RBFOX1: variants seen among roughly 807,000 people sequenced by gnomAD.
The protein encoded by RBFOX1 is RNA binding protein fox-1 homolog 1.
RBFOX1 carries 8 observed loss-of-function variants against 57.7 expected under a neutral mutation model. The observed-to-expected ratio is 0.14, with a 90% CI of 0.08 to 0.25. The LOEUF is 0.25. Among genes scored for constraint, RBFOX1 ranks in the 10% least tolerant of loss-of-function variants. The pLI, the probability that RBFOX1 is intolerant of heterozygous loss-of-function variation, is 1.00. For synonymous variants in RBFOX1, 326 were observed against 222.4 expected, an observed-to-expected ratio of 1.47 and a Z score of -4.15; for missense variants, 611 against 548.5, an observed-to-expected ratio of 1.11 and a Z score of -1.14.
chr16:5,608,621 G>A (rs780676392), intron 3 of RBFOX1, among the ~76,000 whole-genome samples: 1 of 152,198 alleles, frequency 6.6e-6, no homozygotes, highest in Non-Finnish European at 1.5e-5. Context: ...ACTAGAGAAG[G>A]TTTAATTATT....
At chr16:7,505,851 G>T (rs1381276381) in intron 4 of RBFOX1, among the ~76,000 whole-genome samples, 2 of 152,142 alleles carry the variant, frequency 1.3e-5, no homozygotes, top group Non-Finnish European at 2.9e-5. Context: ...TGGATTTTAT[G>T]AATTATGGCT....
chr16:6,450,824 T>TATATGTATATAA (rs1567303568), intron 2 of RBFOX1, among the ~76,000 whole-genome samples: 2 of 33,242 alleles, frequency 6.0e-5, no homozygotes, highest in Non-Finnish European at 1.0e-4. Context: ...TATACATATA[T>TATATGTATATAA]ATATATATAT....
intron 3 of RBFOX1, among the ~76,000 whole-genome samples, chr16:6,907,144 A>G (rs2070217784): frequency 6.6e-6 from 1 of 152,192 alleles, no homozygotes; most frequent in Non-Finnish European, 1.5e-5. Flanking sequence ...ATCTGTAGAC[A>G]TTTCTGTGTT....
chr16:6,789,137 C>T (rs761016952), intron 3 of RBFOX1, among the ~76,000 whole-genome samples: 8 of 150,562 alleles, frequency 5.3e-5, no homozygotes, highest in Non-Finnish European at 1.2e-4. Context: ...TGAAAAATTA[C>T]CGCCTGCCCA....
chr16:5,955,652 G>A (rs1472642770), intron 4 of RBFOX1, among the ~76,000 whole-genome samples: 1 of 151,862 alleles, frequency 6.6e-6, no homozygotes, highest in Admixed American at 6.6e-5. Flanking sequence ...TATCATAGAG[G>A]GAAAAACTGA....
At chr16:7,220,634 T>C (rs1403022584) in intron 4 of RBFOX1, among the ~76,000 whole-genome samples, 1 of 152,174 alleles carries the variant, frequency 6.6e-6, no homozygotes, top group African/African-American at 2.4e-5. Flanking sequence ...TGAGGACTTG[T>C]TACCTGGACT....
intron 3 of RBFOX1, among the ~76,000 whole-genome samples, chr16:6,929,008 C>G (rs1459554005): frequency 2.0e-5 from 3 of 152,144 alleles, no homozygotes; most frequent in Non-Finnish European, 2.9e-5. Context: ...CACAGACACG[C>G]ATGCTTGAGT....
intron 4 of RBFOX1, among the ~76,000 whole-genome samples, chr16:5,908,789 G>T (rs1304740518): frequency 1.3e-5 from 2 of 152,044 alleles, no homozygotes; most frequent in African/African-American, 4.8e-5. Context: ...CTTAATTCCT[G>T]ATGTGAGGAT....
At chr16:6,671,288 G>A (rs191058288) in intron 3 of RBFOX1, among the ~76,000 whole-genome samples, 16 of 152,122 alleles carry the variant, frequency 1.1e-4, no homozygotes, top group Admixed American at 8.5e-4. Flanking sequence ...AGTATTATGC[G>A]GCTATTAAAA....
In RBFOX1 at chr16:7,015,158, C is replaced by T. The variant is rs1415737659; in HGVS notation, c.-15-36899C>T. On this transcript the variant is annotated intron_variant, in intron 3 of 15. Coordinates refer to ENST00000550418, the MANE Select transcript of RBFOX1 (RefSeq NM_018723.4). Reference sequence around the variant, plus strand: ...GTTCTCTTTTTCCTTTCTTCTTAGTCACTCTCAGTAGTCTGGATTTGTTGT... The same window carrying T: ...GTTCTCTTTTTCCTTTCTTCTTAGTTACTCTCAGTAGTCTGGATTTGTTGT... 2.6e-5 allele frequency among the ~76,000 whole-genome samples: 4 copies of T among 152,148 alleles called. 1 individual carries two copies. In the East Asian group the frequency reaches 7.7e-4, roughly 29 times the overall value.
intron 4 of RBFOX1, among the ~76,000 whole-genome samples, chr16:7,310,130 C>G (rs2096275505): frequency 6.6e-6 from 1 of 152,158 alleles, no homozygotes; most frequent in Non-Finnish European, 1.5e-5. Context: ...AGCCCTGGCC[C>G]TGGCCCTTTA....
chr16:5,930,251 A>G (rs1321762361), intron 4 of RBFOX1, among the ~76,000 whole-genome samples: 4 of 84,156 alleles, frequency 4.8e-5, no homozygotes, highest in African/African-American at 1.9e-4. Flanking sequence ...GGATGCTTGG[A>G]TGTATAGATG....
At chr16:6,968,695 C>A (rs1229158334) in intron 3 of RBFOX1, among the ~76,000 whole-genome samples, 1 of 152,176 alleles carries the variant, frequency 6.6e-6, no homozygotes, top group Non-Finnish European at 1.5e-5. Flanking sequence ...CCATCGAGTA[C>A]ACATACTAAC....
chr16:6,512,741 C>T (rs1472915057), intron 2 of RBFOX1, among the ~76,000 whole-genome samples: 1 of 152,164 alleles, frequency 6.6e-6, no homozygotes, highest in African/African-American at 2.4e-5. Flanking sequence ...TGTCTTGTTT[C>T]TGTGGCCACA....
chr16:5,775,866 G>A (rs979352585), intron 3 of RBFOX1, among the ~76,000 whole-genome samples: 4 of 152,144 alleles, frequency 2.6e-5, no homozygotes, highest in African/African-American at 9.7e-5. Flanking sequence ...AAAGACTATC[G>A]GACGAGTCAG....
chr16:6,911,281 C>T (rs946020317), intron 3 of RBFOX1, among the ~76,000 whole-genome samples: 1 of 151,576 alleles, frequency 6.6e-6, no homozygotes. Flanking sequence ...TAACAAAGTT[C>T]CACAAACTAG....
intron 14 of RBFOX1, among the ~76,000 whole-genome samples, chr16:7,687,306 C>T (rs2076273999): frequency 6.6e-6 from 1 of 151,992 alleles, no homozygotes; most frequent in African/African-American, 2.4e-5. Context: ...AGGTAAAATA[C>T]TGATTGCAAG....
intron 1 of RBFOX1, among the ~76,000 whole-genome samples, chr16:5,332,138 T>C (rs918941875): frequency 6.6e-6 from 1 of 152,228 alleles, no homozygotes; most frequent in Non-Finnish European, 1.5e-5. Context: ...TCTACCTTTC[T>C]CCTTGGCTTC....
intron 1 of RBFOX1, among the ~76,000 whole-genome samples, chr16:6,315,874 A>G (rs1290784795): frequency 6.6e-6 from 1 of 152,170 alleles, no homozygotes; most frequent in Non-Finnish European, 1.5e-5. Flanking sequence ...AAGACTACAC[A>G]CACATATATA....
Sources: allele counts gnomAD v4.1 joint callset (sites outside exome capture counted in the v4.1 genomes callset), GRCh38; gene constraint gnomAD v4.1.1; transcripts MANE v1.5; gene names NCBI Gene and HGNC (gene_info 2026-07-23, HGNC 2026-07-21).